The following COBL variants were observed in gnomAD, a reference collection of about 807,000 sequenced individuals.
COBL encodes protein cordon-bleu.
In COBL, 51 loss-of-function variants were observed where a neutral mutation model predicts 98.8. The ratio of observed to expected loss-of-function variants is 0.52; its 90% CI spans 0.41 to 0.65. COBL has a LOEUF of 0.65. COBL is among the 30% of genes least tolerant of loss of function. The pLI is 0.00. For synonymous variants in COBL, 634 were observed against 651.7 expected (o/e 0.97, Z 0.41); for missense variants, 1,617 against 1,617.5 (o/e 1.00, Z 0.01).
intron 10 of COBL, 121 bp from the exon 11 acceptor site, chr7:51,026,786 T>G: frequency 8.2e-7 from 1 of 1,220,938 alleles, no homozygotes; most frequent in Non-Finnish European, 1.1e-6. Context: ...TAATCCCATC[T>G]ACTCGGGAGG....
chr7:51,083,894 G>A (rs891049189), intron 7 of COBL, among the ~76,000 whole-genome samples: 4 of 152,132 alleles, frequency 2.6e-5, no homozygotes, highest in East Asian at 1.9e-4. Context: ...GGATTGGCAC[G>A]ATCCAACCAC....
At chr7:51,052,056 A>G (rs1323606914) in intron 7 of COBL, among the ~76,000 whole-genome samples, 5 of 152,230 alleles carry the variant, frequency 3.3e-5, no homozygotes, top group South Asian at 4.1e-4. Context: ...TGCAAACCAC[A>G]TAACGGTAAT....
chr7:51,264,135 C>T (rs1233320111), intron 1 of COBL, among the ~76,000 whole-genome samples: 3 of 152,138 alleles, frequency 2.0e-5, no homozygotes, highest in African/African-American at 7.2e-5. Flanking sequence ...TTCTGAGTTC[C>T]AATCGCAGCC....
chr7:51,214,633 C>A (rs1489405339), intron 2 of COBL, among the ~76,000 whole-genome samples: 1 of 152,218 alleles, frequency 6.6e-6, no homozygotes, highest in African/African-American at 2.4e-5. Context: ...ATGTGATTCT[C>A]ACTCAGCAGA....
At chr7:51,088,245 T>A (rs1296219644) in intron 6 of COBL, among the ~76,000 whole-genome samples, 1 of 152,154 alleles carries the variant, frequency 6.6e-6, no homozygotes, top group Non-Finnish European at 1.5e-5. Flanking sequence ...TTCCTCTGTT[T>A]CTTTCTCTCT....
At chr7:51,081,878 G>A (rs887699898) in intron 7 of COBL, among the ~76,000 whole-genome samples, 2 of 151,920 alleles carry the variant, frequency 1.3e-5, no homozygotes, top group African/African-American at 4.8e-5. Context: ...AATGGCTCTG[G>A]AGCCATCCAC....
At chr7:51,238,376 C>A (rs941935759) in intron 1 of COBL, among the ~76,000 whole-genome samples, 3 of 152,168 alleles carry the variant, frequency 2.0e-5, no homozygotes, top group Admixed American at 6.5e-5. Flanking sequence ...GACCCCTGCC[C>A]TTCCCTGGGC....
At chr7:51,193,295 T>A in intron 3 of COBL, 84 bp downstream of exon 3, 1 of 1,251,790 alleles carries the variant, frequency 8.0e-7, no homozygotes, top group Non-Finnish European at 1.2e-6. Context: ...TGCACTGTAC[T>A]TTGATAAGAA....
chr7:51,225,368 T>C (rs1794084153), intron 1 of COBL, among the ~76,000 whole-genome samples: 1 of 152,200 alleles, frequency 6.6e-6, no homozygotes. Flanking sequence ...TCTGCACAAG[T>C]CTAAAGAGGC....
At chr7:51,295,205 G>C (rs1801308863) in intron 1 of COBL, among the ~76,000 whole-genome samples, 1 of 151,336 alleles carries the variant, frequency 6.6e-6, no homozygotes, top group South Asian at 2.1e-4. Context: ...AGAATCGCTT[G>C]AACCGGGGAG....
At chr7:51,094,157 AT>A in intron 6 of COBL, among the ~76,000 whole-genome samples, 1 of 152,066 alleles carries the variant, frequency 6.6e-6, no homozygotes, top group African/African-American at 2.4e-5. Context: ...GTTCTCACTT[AT>A]ATGTGGAATC....
At chr7:51,240,540 ATT>A (rs11350456) in intron 1 of COBL, among the ~76,000 whole-genome samples, 6 of 150,574 alleles carry the variant, frequency 4.0e-5, no homozygotes, top group Admixed American at 1.3e-4. Context: ...TACTGAACAT[ATT>A]TTTTTTTTAT....
chr7:51,282,762 T>C (rs1037874997), intron 1 of COBL, among the ~76,000 whole-genome samples: 5 of 151,446 alleles, frequency 3.3e-5, no homozygotes, highest in Non-Finnish European at 7.4e-5. Context: ...CAACAGCAAA[T>C]AGAACACTAA....
chr7:51,041,478 C>CTTTTTTTTTTTTTTTTT (rs773830122), intron 8 of COBL, among the ~76,000 whole-genome samples: 2 of 80,024 alleles, frequency 2.5e-5, no homozygotes, highest in African/African-American at 9.7e-5. Context: ...TATTTCTTTC[C>CTTTTTTTTTTTTTTTTT]TTTTTTTTTT....
rs958988087 is a variant in COBL at position 51,020,559 on chromosome 7, T to A, written c.3769-2991A>T. 2.0e-5 allele frequency among the ~76,000 whole-genome samples: 3 copies of A among 152,250 alleles called. No individual in the cohort carries two copies. In the South Asian group the frequency reaches 6.2e-4, roughly 31 times the overall value. On this transcript the variant is annotated intron_variant, in intron 12 of 12. Transcript: ENST00000265136. ...GGGTACTTGTACATTCCAGGCCTTC[T>A]GAAATAATGCATTTAAAACAGATCG...
intron 7 of COBL, chr7:51,073,395 G>A: frequency 1.5e-6 from 1 of 676,054 alleles, no homozygotes; most frequent in Admixed American, 2.1e-5. Context: ...ACTGCGGGGG[G>A]AAAATAAATG....
At chr7:51,303,172 GATGCAGAGATAGACACAA>G (rs1277633961) in intron 1 of COBL, among the ~76,000 whole-genome samples, 1 of 152,192 alleles carries the variant, frequency 6.6e-6, no homozygotes, top group African/African-American at 2.4e-5. Context: ...TTTACATTCG[GATGCAGAGATAGACACAA>G]ATGCTTTATA....
rs144564951 is a variant in COBL, at chr7:51,043,297, G to A, written c.1406+86C>T. 1.3e-4 allele frequency: 173 copies of A among 1,332,572 alleles called. 1 individual carries two copies. In the East Asian group the frequency reaches 2.6e-3, roughly 20 times the overall value. The allele number at this position is 1,332,572 out of a possible 1,614,324, so 82.5% of individuals were successfully genotyped here. On this transcript the variant is annotated intron_variant, in intron 8 of 12. Coordinates refer to ENST00000265136, the MANE Select transcript of COBL (RefSeq NM_015198.5). The stretch of plus-strand genomic sequence containing the variant: ...GGTGCAGAGCAGGTTGTGATAGCAC[G>A]TGTTGGATCCCATGACAAAAGACCC...
chr7:51,192,862 A>T (rs1350000101), intron 3 of COBL, among the ~76,000 whole-genome samples: 3 of 152,204 alleles, frequency 2.0e-5, no homozygotes, highest in Non-Finnish European at 4.4e-5. Context: ...CTGTCCAATC[A>T]GGTAGCCATT....
Sources: allele counts gnomAD v4.1 joint callset (sites outside exome capture counted in the v4.1 genomes callset), GRCh38; gene constraint gnomAD v4.1.1; transcripts MANE v1.5; gene names NCBI Gene and HGNC (gene_info 2026-07-23, HGNC 2026-07-21).